The following SLC9A9 variants were observed in gnomAD, a reference collection of about 807,000 sequenced individuals.
SLC9A9 encodes solute carrier family 9 member A9, also known as sodium/hydrogen exchanger 9.
Under a neutral mutation model 77.8 loss-of-function variants are expected in SLC9A9, and 62 were observed. That is an observed-to-expected ratio of 0.80 (90% CI 0.65 to 0.98). The LOEUF is 0.98. SLC9A9 is among the 50% of genes least tolerant of loss of function. The pLI is 0.00. For missense variants in SLC9A9, 775 were observed against 774.9 expected, an observed-to-expected ratio of 1.00 and a Z score of 0.00; for synonymous variants, 320 against 283.5, an observed-to-expected ratio of 1.13 and a Z score of -1.29.
chr3:143,578,521 A>G, intron 7 of SLC9A9, 64 bp downstream of exon 7: 2 of 1,611,806 alleles, frequency 1.2e-6, no homozygotes, highest in Non-Finnish European at 1.7e-6. Context: ...CCATCATCAG[A>G]AATATTCCAT....
chr3:143,474,490 C>T lies in SLC9A9; in HGVS notation c.1316-7300G>A, dbSNP rs142635567. ...GCAGATCAGACCACTGATGATAGCA[C>T]GGCAGGTGCTGAATGTATGTCAAAG... On this transcript the variant is annotated intron_variant, in intron 11 of 15. Coordinates refer to ENST00000316549, the MANE Select transcript of SLC9A9 (RefSeq NM_173653.4). Among the ~76,000 whole-genome samples, 132 of 151,996 alleles carry T rather than the reference C, an allele frequency of 8.7e-4. 1 individual carries two copies. Among genetic ancestry groups the T allele is most frequent in the African/African-American group, 2.6e-3 (109 of 41,444 alleles).
chr3:143,290,639 C>T (rs951623768), intron 14 of SLC9A9, among the ~76,000 whole-genome samples: 1 of 152,228 alleles, frequency 6.6e-6, no homozygotes, highest in East Asian at 1.9e-4. Flanking sequence ...AATTCCAAAG[C>T]ACATCTGGCT....
chr3:143,709,917 C>T (rs541873720), intron 4 of SLC9A9, among the ~76,000 whole-genome samples: 96 of 152,196 alleles, frequency 6.3e-4, no homozygotes, highest in African/African-American at 1.8e-3. Context: ...CAACCTTCCC[C>T]GACAGTAGAG....
intron 4 of SLC9A9, among the ~76,000 whole-genome samples, chr3:143,696,355 T>C (rs1933640110): frequency 1.3e-5 from 2 of 152,226 alleles, no homozygotes; most frequent in South Asian, 4.1e-4. Flanking sequence ...CTACTATGTG[T>C]CAGGCTCCAT....
At chr3:143,377,867 G>A (rs1218728054) in intron 13 of SLC9A9, among the ~76,000 whole-genome samples, 2 of 152,032 alleles carry the variant, frequency 1.3e-5, no homozygotes, top group East Asian at 1.9e-4. Context: ...TTCTCCATCC[G>A]CTCCCACCTT....
intron 11 of SLC9A9, among the ~76,000 whole-genome samples, chr3:143,480,947 C>T (rs2035563964): frequency 6.6e-6 from 1 of 152,122 alleles, no homozygotes; most frequent in African/African-American, 2.4e-5. Context: ...TTTAGAGGAG[C>T]CCAGACTCTC....
intron 5 of SLC9A9, among the ~76,000 whole-genome samples, chr3:143,659,855 G>A (rs1024007570): frequency 2.6e-5 from 4 of 152,188 alleles, no homozygotes; most frequent in Non-Finnish European, 5.9e-5. Context: ...TCATGGAAGG[G>A]ACCCTGTGGG....
intron 4 of SLC9A9, among the ~76,000 whole-genome samples, chr3:143,791,281 A>C (rs2008215998): frequency 6.6e-6 from 1 of 152,238 alleles, no homozygotes; most frequent in Non-Finnish European, 1.5e-5. Flanking sequence ...TTTCCCATGC[A>C]ATATGAAAAA....
At chr3:143,323,971 GGTCATA>G (rs1191550523) in intron 14 of SLC9A9, among the ~76,000 whole-genome samples, 4 of 151,670 alleles carry the variant, frequency 2.6e-5, no homozygotes, top group African/African-American at 9.7e-5. Flanking sequence ...TTATTTAGTT[GGTCATA>G]TATACTTTGT....
At chr3:143,671,248 T>G (rs956620629) in intron 5 of SLC9A9, among the ~76,000 whole-genome samples, 5 of 152,224 alleles carry the variant, frequency 3.3e-5, no homozygotes, top group African/African-American at 9.6e-5. Flanking sequence ...TTCTACATAT[T>G]GATTCAAGTA....
chr3:143,468,211 G>A (rs559510890), intron 11 of SLC9A9, among the ~76,000 whole-genome samples: 1 of 152,298 alleles, frequency 6.6e-6, no homozygotes, highest in South Asian at 2.1e-4. Flanking sequence ...AGGTAGTATA[G>A]TATTTGCATA....
At chr3:143,580,308 C>G (rs1045373000) in intron 6 of SLC9A9, among the ~76,000 whole-genome samples, 2 of 152,158 alleles carry the variant, frequency 1.3e-5, no homozygotes, top group African/African-American at 4.8e-5. Context: ...GCCCTTCAGA[C>G]AAAGGTTTTT....
At chr3:143,807,927 G>A (rs2008767103) in intron 2 of SLC9A9, among the ~76,000 whole-genome samples, 1 of 152,174 alleles carries the variant, frequency 6.6e-6, no homozygotes, top group Non-Finnish European at 1.5e-5. Context: ...AGAGGGCTGG[G>A]CGGGGATGAG....
At chr3:143,655,450 C>T (rs2038872784) in intron 5 of SLC9A9, 1 of 984,352 alleles carries the variant, frequency 1.0e-6, no homozygotes, top group Non-Finnish European at 1.2e-6. Context: ...TTTCTTAAAC[C>T]TTTGATTTTA....
Position 143,363,494 on chromosome 3 carries a change from AG to A in SLC9A9, c.1593del (p.Phe532LeufsTer6), listed in dbSNP as rs771181556. ...ATTATCAAAGGATACTTGTGGTCAA[AG>A]CTATACCACATTCTGAAGAGCCGAG... Reference protein sequence around the residue: ...ESARLFRMWYSFDHKYLKPIL... With the variant: ...ESARLFRMWYXFDHKYLKPIL... On this transcript the variant is annotated frameshift_variant, in exon 14 of 16. Coordinates refer to ENST00000316549, the MANE Select transcript of SLC9A9 (RefSeq NM_173653.4). LOFTEE classifies it high-confidence loss of function. The A allele has an allele frequency of 6.2e-7, 1 of 1,612,574 alleles. No homozygotes were observed. Among genetic ancestry groups the A allele is most frequent in the Admixed American group, 1.7e-5 (1 of 59,948 alleles).
At chr3:143,718,757 T>C (rs1212167415) in intron 4 of SLC9A9, among the ~76,000 whole-genome samples, 4 of 152,244 alleles carry the variant, frequency 2.6e-5, no homozygotes, top group Non-Finnish European at 4.4e-5. Context: ...TTCCCTCTTT[T>C]TTCTTCTTTC....
chr3:143,821,918 C>T lies in SLC9A9; in HGVS notation c.378+10101G>A, dbSNP rs570033979. 1.6e-4 allele frequency among the ~76,000 whole-genome samples: 24 copies of T among 152,296 alleles called. No individual in the cohort carries two copies. The South Asian group carries it at 3.9e-3, about 25-fold the overall frequency. On this transcript the variant is annotated intron_variant, in intron 2 of 15. Transcript: ENST00000316549. ...CAGCCTATGCGGGGGTCAGTGTGCC[C>T]GGCACTGTGCTGTGCCACTCTGACT...
intron 9 of SLC9A9, among the ~76,000 whole-genome samples, chr3:143,541,120 T>G (rs966064985): frequency 6.6e-6 from 1 of 152,134 alleles, no homozygotes; most frequent in Admixed American, 6.6e-5. Context: ...CTCCCATTGC[T>G]CATGGTCCAA....
At chr3:143,397,532 TG>T (rs2033756763) in intron 12 of SLC9A9, among the ~76,000 whole-genome samples, 1 of 152,172 alleles carries the variant, frequency 6.6e-6, no homozygotes, top group South Asian at 2.1e-4. Flanking sequence ...ACCTAAAACC[TG>T]AAAACCATTG....
Sources: allele counts gnomAD v4.1 joint callset (sites outside exome capture counted in the v4.1 genomes callset), GRCh38; gene constraint gnomAD v4.1.1; transcripts MANE v1.5; gene names NCBI Gene and HGNC (gene_info 2026-07-23, HGNC 2026-07-21).